The following IFT80 variants were observed in gnomAD, a reference collection of about 807,000 sequenced individuals.
IFT80 encodes intraflagellar transport 80.
Under a neutral mutation model 107.9 loss-of-function variants are expected in IFT80, and 79 were observed. The ratio of observed to expected loss-of-function variants is 0.73; its 90% CI spans 0.61 to 0.88. The LOEUF (loss-of-function observed/expected upper bound fraction) is 0.88. IFT80 is among the 40% of genes least tolerant of loss of function. The probability of loss-of-function intolerance (pLI) is 0.00; values close to 1 mark genes in which losing one functional copy is unlikely to be tolerated. For missense variants in IFT80, 797 were observed against 914.2 expected (o/e 0.87, Z 1.65); for synonymous variants, 299 against 300.9 (o/e 0.99, Z 0.07).
At chr3:160,277,818 G>T in intron 16 of IFT80, 148 bp from the exon 17 acceptor site, 1 of 622,412 alleles carries the variant, frequency 1.6e-6, no homozygotes, top group Non-Finnish European at 2.9e-6. Flanking sequence ...TAATAATGTG[G>T]GAATTTCATT....
intron 6 of IFT80, among the ~76,000 whole-genome samples, chr3:160,362,077 A>G (rs529838030): frequency 2.0e-5 from 3 of 152,324 alleles, no homozygotes; most frequent in African/African-American, 7.2e-5. Context: ...AAAAAAATCA[A>G]TGAATCCAGG....
intron 11 of IFT80, 94 bp downstream of exon 11, chr3:160,303,821 G>C (rs1475558638): frequency 2.5e-6 from 2 of 786,794 alleles, no homozygotes. Flanking sequence ...TAAATGACTA[G>C]TATACCATTC....
At chr3:160,391,891 C>A (rs530351384) in intron 1 of IFT80, among the ~76,000 whole-genome samples, 159 of 152,266 alleles carry the variant, frequency 1.0e-3, no homozygotes, top group African/African-American at 3.6e-3. Flanking sequence ...AACAGCTAAT[C>A]CTAATAACAA....
At chr3:160,362,938 T>C (rs1027832512) in intron 6 of IFT80, among the ~76,000 whole-genome samples, 13 of 152,274 alleles carry the variant, frequency 8.5e-5, no homozygotes, top group Non-Finnish European at 1.6e-4. Flanking sequence ...ACTGGAAGCA[T>C]TCCCTTTGAA....
intron 12 of IFT80, 37 bp from the exon 13 acceptor site, chr3:160,285,905 T>C: frequency 7.0e-7 from 1 of 1,426,180 alleles, no homozygotes; most frequent in Non-Finnish European, 9.9e-7. Context: ...ATGTGTTATA[T>C]TAGAATTTTT....
Position 160,301,039 on chromosome 3 carries a change from G to T in IFT80, c.1159C>A (p.Leu387Ile), listed in dbSNP as rs1435981814. 6.4e-7 allele frequency: 1 copy of T among 1,571,650 alleles called. No homozygotes were observed. Among genetic ancestry groups the T allele is most frequent in the African/African-American group, 1.4e-5 (1 of 73,338 alleles). ...SLILQAERHF[L>I]LVDGSSIYLY... ...TAGATACTACTACCATCTACAAGAA[G>T]AAAATGTCTAAAAAATAAAGAATAG... The change falls in exon 12 of 20, where the codon CTT (leucine) becomes ATT (isoleucine). Residue 387 changes from leucine to isoleucine, a missense_variant. Leu to Ile is a conservative substitution (Grantham distance 5, BLOSUM62 2). Coordinates refer to ENST00000326448, the MANE Select transcript of IFT80 (RefSeq NM_020800.3).
At chr3:160,284,277 T>G (rs1714923252) in intron 13 of IFT80, among the ~76,000 whole-genome samples, 1 of 152,108 alleles carries the variant, frequency 6.6e-6, no homozygotes, top group South Asian at 2.1e-4. Flanking sequence ...TAGAAAGAGT[T>G]ATAACATTAA....
At chr3:160,269,700 C>G (rs990416280) in intron 18 of IFT80, among the ~76,000 whole-genome samples, 1 of 152,180 alleles carries the variant, frequency 6.6e-6, no homozygotes, top group Admixed American at 6.5e-5. Context: ...CCACTGCAAT[C>G]CTGTGCATAA....
intron 8 of IFT80, among the ~76,000 whole-genome samples, chr3:160,341,942 A>C (rs1037200760): frequency 6.6e-6 from 1 of 152,172 alleles, no homozygotes; most frequent in Admixed American, 6.5e-5. Context: ...TGCATCAACT[A>C]AAAGAAAACA....
intron 19 of IFT80, among the ~76,000 whole-genome samples, chr3:160,265,834 ACC>A (rs995405559): frequency 7.2e-5 from 11 of 152,088 alleles, no homozygotes. Flanking sequence ...TTTTTAAAAG[ACC>A]CCTTTCTATT....
At chr3:160,269,185 C>T (rs1454031936) in intron 18 of IFT80, among the ~76,000 whole-genome samples, 3 of 149,338 alleles carry the variant, frequency 2.0e-5, no homozygotes, top group Non-Finnish European at 4.4e-5. Flanking sequence ...GCTGAGATCG[C>T]GCCACTGCAT....
intron 6 of IFT80, among the ~76,000 whole-genome samples, chr3:160,364,646 T>C (rs996888588): frequency 2.0e-5 from 3 of 152,150 alleles, no homozygotes; most frequent in Non-Finnish European, 2.9e-5. Context: ...ATGTGGCACA[T>C]ATACACCATG....
At chr3:160,278,100 G>A (rs557616583) in intron 16 of IFT80, among the ~76,000 whole-genome samples, 160 of 152,256 alleles carry the variant, frequency 1.1e-3, no homozygotes, top group African/African-American at 3.6e-3. Context: ...AGTCCTTTAC[G>A]ATAAGGTTTT....
At chr3:160,372,305 C>T (rs1711587809) in intron 5 of IFT80, among the ~76,000 whole-genome samples, 1 of 152,318 alleles carries the variant, frequency 6.6e-6, no homozygotes, top group African/African-American at 2.4e-5. Flanking sequence ...AGTAGTCTTG[C>T]ACCCCCAGCT....
In IFT80 at chr3:160,277,573, T is replaced by C; in HGVS notation, c.1926+8A>G. 1 of 1,605,646 alleles carries C rather than the reference T, an allele frequency of 6.2e-7. No individual in the cohort carries two copies. Among genetic ancestry groups the C allele is most frequent in the Middle Eastern group, 1.7e-4 (1 of 6,044 alleles). On this transcript the variant is annotated splice_region_variant and intron_variant, in intron 17 of 19. Coordinates refer to ENST00000326448, the MANE Select transcript of IFT80 (RefSeq NM_020800.3). ...ACATGTACATATATGTAAACATTAATTACTTACTTCACCAATTGCTGCATA... is the reference window on the plus strand; with the variant it reads ...ACATGTACATATATGTAAACATTAACTACTTACTTCACCAATTGCTGCATA...
rs116072970 is a variant in IFT80, at chr3:160,268,360, G to A, written c.2223+53C>T. On this transcript the variant is annotated intron_variant, in intron 19 of 19. Transcript: ENST00000326448. ...CATTTTGTCTCATTAGGATGAATATGACATATACTTATAAAGCATATGTAT... is the reference window on the plus strand; with the variant it reads ...CATTTTGTCTCATTAGGATGAATATAACATATACTTATAAAGCATATGTAT... The A allele has an allele frequency of 1.9e-3, 2,793 of 1,440,102 alleles. 49 individuals carry two copies. The African/African-American group carries it at 0.035, about 18-fold the overall frequency. 89.2% of individuals were successfully genotyped at this position (1,440,102 alleles called of 1,614,324 possible). A position where few individuals can be genotyped will look rare whatever the true frequency, so the allele number is the denominator to read the frequency against.
rs1226391494 is a variant in IFT80, at chr3:160,260,349, C to G, written c.2224-1714G>C. 5.9e-5 allele frequency among the ~76,000 whole-genome samples: 9 copies of G among 152,282 alleles called. No homozygotes were observed. In the South Asian group the frequency reaches 1.9e-3, roughly 32 times the overall value. ...TTTTTAAACGGCAAAGCACTCATTTCTATGTCTAACAAAACACTTATAGAG... is the reference window on the plus strand; with the variant it reads ...TTTTTAAACGGCAAAGCACTCATTTGTATGTCTAACAAAACACTTATAGAG... On this transcript the variant is annotated intron_variant, in intron 19 of 19. Coordinates refer to ENST00000326448, the MANE Select transcript of IFT80 (RefSeq NM_020800.3).
intron 12 of IFT80, among the ~76,000 whole-genome samples, chr3:160,292,005 T>C (rs1715596768): frequency 6.6e-6 from 1 of 152,182 alleles, no homozygotes; most frequent in African/African-American, 2.4e-5. Flanking sequence ...CAGTAAGAAC[T>C]TTCTGTCTGC....
intron 1 of IFT80, among the ~76,000 whole-genome samples, chr3:160,387,466 T>A (rs1390786543): frequency 6.6e-6 from 1 of 152,142 alleles, no homozygotes; most frequent in Admixed American, 6.5e-5. Flanking sequence ...ATCACGCTAC[T>A]GCACTCCAGC....
Sources: gnomAD v4.1 joint callset for allele counts (sites outside exome capture counted in the v4.1 genomes callset) on GRCh38, gnomAD v4.1.1 for gene constraint, MANE v1.5 for transcripts, NCBI Gene and HGNC (gene_info 2026-07-23, HGNC 2026-07-21) for gene names.